The following GDF11 variants were observed in gnomAD, a reference collection of about 807,000 sequenced individuals.
The protein encoded by GDF11 is growth differentiation factor 11.
In GDF11, 12 loss-of-function variants were observed where a neutral mutation model predicts 34.4. That is an observed-to-expected ratio of 0.35 (90% CI 0.22 to 0.57). The LOEUF (loss-of-function observed/expected upper bound fraction) is 0.57. Ranked by LOEUF, GDF11 falls within the 20% of genes least tolerant of loss-of-function variation. GDF11 has a pLI of 0.86. For synonymous variants in GDF11, 212 were observed against 231.1 expected, an observed-to-expected ratio of 0.92 and a Z score of 0.75; for missense variants, 346 against 548.2, an observed-to-expected ratio of 0.63 and a Z score of 3.68.
Position 55,750,675 on chromosome 12 carries a change from C to T in GDF11, c.*793C>T, listed in dbSNP as rs1878291594. On this transcript the variant is annotated 3_prime_UTR_variant, in exon 3 of 3. Coordinates refer to ENST00000257868, the MANE Select transcript of GDF11 (RefSeq NM_005811.5). ...GTTTAGTTTCTAACCCATCATCACC[C>T]TAACTCAACCTTTTCTGAGCCAAAT... 6.6e-6 allele frequency: 1 copy of T among 152,162 alleles called. No individual in the cohort carries two copies. Among genetic ancestry groups the T allele is most frequent in the East Asian group, 1.9e-4 (1 of 5,190 alleles). 9.4% of individuals were successfully genotyped at this position (152,162 alleles called of 1,614,324 possible).
chr12:55,749,000 A>T lies in GDF11; in HGVS notation c.843+17A>T. On this transcript the variant is annotated intron_variant, in intron 2 of 2. Coordinates refer to ENST00000257868, the MANE Select transcript of GDF11 (RefSeq NM_005811.5). The surrounding 1 kb of genome is among the most constrained non-coding windows in gnomAD (Gnocchi z 5.6). ...GAGGGGCTGGTGAGCAGGGGGCCTG[A>T]GGTGGTGGATATGTGTAACCTGGCC... The T allele has an allele frequency of 6.3e-7, 1 of 1,585,004 alleles. No individual in the cohort carries two copies. The highest frequency in any genetic ancestry group is 8.5e-7 in the Non-Finnish European group (1 of 1,172,708).
Position 55,743,469 on chromosome 12 carries a change from A to C in GDF11, c.153A>C (p.Pro51=), listed in dbSNP as rs752717714. The change falls in exon 1 of 3, where the codon CCA becomes CCC. Residue 51 remains proline, a synonymous_variant. Transcript: ENST00000257868. ...TCGGGGGGGAGCGCTCCAGCCGGCCAGCCCCGTCCGTGGCGCCCGAGCCGG... is the reference window on the plus strand; with the variant it reads ...TCGGGGGGGAGCGCTCCAGCCGGCCCGCCCCGTCCGTGGCGCCCGAGCCGG... The part of the protein sequence containing the change: ...AGVGGERSSR[P]APSVAPEPDG... The C allele has an allele frequency of 4.8e-5, 70 of 1,456,990 alleles. No homozygotes were observed. The highest frequency in any genetic ancestry group is 6.1e-5 in the Non-Finnish European group (67 of 1,102,600). The allele number at this position is 1,456,990 out of a possible 1,614,324, so 90.3% of individuals were successfully genotyped here.
Position 55,753,904 on chromosome 12 carries a change from G to C in GDF11, c.*4022G>C, listed in dbSNP as rs1878420829. ...CAAGGCTGCAGTGTGCTATAATTGG[G>C]CCTGTAAATAGCCACTGTACTCCAA... On this transcript the variant is annotated 3_prime_UTR_variant, in exon 3 of 3. Coordinates refer to ENST00000257868, the MANE Select transcript of GDF11 (RefSeq NM_005811.5). The C allele has an allele frequency of 6.6e-6, 1 of 152,060 alleles. No individual in the cohort carries two copies. The highest frequency in any genetic ancestry group is 2.4e-5 in the African/African-American group (1 of 41,378). The allele number at this position is 152,060 out of a possible 1,614,324, so 9.4% of individuals were successfully genotyped here. A position where few individuals can be genotyped will look rare whatever the true frequency, so the allele number is the denominator to read the frequency against.
intron 1 of GDF11, among the ~76,000 whole-genome samples, chr12:55,747,813 G>A (rs763871472): frequency 6.6e-6 from 1 of 152,202 alleles, no homozygotes; most frequent in Non-Finnish European, 1.5e-5. Flanking sequence ...TTAATCTGGT[G>A]TATTTAATAT....
In GDF11 at chr12:55,743,368, C is replaced by G; in HGVS notation, c.52C>G (p.Leu18Val). 1 of 986,634 alleles carries G rather than the reference C, an allele frequency of 1.0e-6. No homozygotes were observed. Among genetic ancestry groups the G allele is most frequent in the East Asian group, 1.1e-4 (1 of 8,858 alleles). The allele number at this position is 986,634 out of a possible 1,614,324, so 61.1% of individuals were successfully genotyped here. A position where few individuals can be genotyped will look rare whatever the true frequency, so the allele number is the denominator to read the frequency against. Reference sequence around the variant, plus strand: ...GGGCTTCCTGCTCCTCGCCCTGGAGCTGCGGCCCCGGGGGGAGGCGGCCGA... The same window carrying G: ...GGGCTTCCTGCTCCTCGCCCTGGAGGTGCGGCCCCGGGGGGAGGCGGCCGA... The part of the protein sequence containing the change: ...LLGFLLLALE[L>V]RPRGEAAEGP... The change falls in exon 1 of 3, where the codon CTG becomes GTG. Residue 18 changes from leucine (L) to valine (V), a missense_variant. Leu to Val is a conservative substitution (Grantham distance 32, BLOSUM62 1). Coordinates refer to ENST00000257868, the MANE Select transcript of GDF11 (RefSeq NM_005811.5).
intron 1 of GDF11, among the ~76,000 whole-genome samples, chr12:55,746,489 CCA>C (rs765573457): frequency 2.0e-5 from 3 of 152,214 alleles, no homozygotes; most frequent in African/African-American, 4.8e-5. Flanking sequence ...CTCACCATCT[CCA>C]GTCTCTCCCC....
chr12:55,750,129 C>A lies in GDF11; in HGVS notation c.*247C>A. 3 of 509,674 alleles carry A rather than the reference C, an allele frequency of 5.9e-6. No homozygotes were observed. Among genetic ancestry groups the A allele is most frequent in the African/African-American group, 3.8e-5 (2 of 52,550 alleles). The allele number at this position is 509,674 out of a possible 1,614,324, so 31.6% of individuals were successfully genotyped here. A position where few individuals can be genotyped will look rare whatever the true frequency, so the allele number is the denominator to read the frequency against. On this transcript the variant is annotated 3_prime_UTR_variant, in exon 3 of 3. Coordinates refer to ENST00000257868, the MANE Select transcript of GDF11 (RefSeq NM_005811.5). The stretch of plus-strand genomic sequence containing the variant: ...GAAGTTTGCAGATGAGAAGGTTTGA[C>A]AAAAAGACAGAGAGATGTAGAGACA...
rs1878387611 is a variant in GDF11 at position 55,753,350 on chromosome 12, A to T, written c.*3468A>T. ...CTTGCCTTGTTACACAAGAGTGGCT[A>T]AAATAGCATCTCAAATATTCTTTCA... On this transcript the variant is annotated 3_prime_UTR_variant, in exon 3 of 3. Transcript: ENST00000257868. The T allele has an allele frequency of 6.6e-6, 1 of 152,244 alleles. No homozygotes were observed. The highest frequency in any genetic ancestry group is 2.1e-4 in the South Asian group (1 of 4,832). The allele number at this position is 152,244 out of a possible 1,614,324, so 9.4% of individuals were successfully genotyped here. A position where few individuals can be genotyped will look rare whatever the true frequency, so the allele number is the denominator to read the frequency against.
At position 55,749,411 on chromosome 12, in the gene GDF11, A is replaced by G; in HGVS notation, c.844-91A>G. The G allele has an allele frequency of 1.5e-6, 2 of 1,378,198 alleles. No homozygotes were observed. Among genetic ancestry groups the G allele is most frequent in the South Asian group, 2.8e-5 (2 of 71,602 alleles). 85.4% of individuals were successfully genotyped at this position (1,378,198 alleles called of 1,614,324 possible). A position where few individuals can be genotyped will look rare whatever the true frequency, so the allele number is the denominator to read the frequency against. Reference sequence around the variant, plus strand: ...AAAAGCTGAGAAGTCAGCAGTCTCTATTCTGATGCCCCTGGCAGGTGGGAA... The same window carrying G: ...AAAAGCTGAGAAGTCAGCAGTCTCTGTTCTGATGCCCCTGGCAGGTGGGAA... On this transcript the variant is annotated intron_variant, in intron 2 of 2. Coordinates refer to ENST00000257868, the MANE Select transcript of GDF11 (RefSeq NM_005811.5). This position sits in a 1 kb window ranked among gnomAD's most constrained non-coding sequence, Gnocchi z 5.6.
chr12:55,744,895 AC>A (rs1209830464), intron 1 of GDF11, among the ~76,000 whole-genome samples: 1 of 151,904 alleles, frequency 6.6e-6, no homozygotes, highest in Non-Finnish European at 1.5e-5. Context: ...CCAGTGGCCC[AC>A]CCCCATGGGA....
In GDF11 at chr12:55,755,036, T is replaced by A. The variant is rs1026337423; in HGVS notation, c.*5154T>A. 2.0e-5 allele frequency: 3 copies of A among 152,132 alleles called. No homozygotes were observed. 9.4% of individuals were successfully genotyped at this position (152,132 alleles called of 1,614,324 possible). A position where few individuals can be genotyped will look rare whatever the true frequency, so the allele number is the denominator to read the frequency against. On this transcript the variant is annotated 3_prime_UTR_variant, in exon 3 of 3. Transcript: ENST00000257868. Reference sequence around the variant, plus strand: ...GTGAAACCTGTAATTTTAAATCCCTTTGGAAGGGAAAAACAAGAAAAGTCT... The same window carrying A: ...GTGAAACCTGTAATTTTAAATCCCTATGGAAGGGAAAAACAAGAAAAGTCT...
chr12:55,744,646 C>G (rs3843621), intron 1 of GDF11, among the ~76,000 whole-genome samples: 27 of 150,476 alleles, frequency 1.8e-4, no homozygotes, highest in Non-Finnish European at 3.6e-4. Context: ...ACTACACCCC[C>G]CCTTTTCCAG....
At chr12:55,744,448 G>C (rs1429081829) in intron 1 of GDF11, among the ~76,000 whole-genome samples, 1 of 152,106 alleles carries the variant, frequency 6.6e-6, no homozygotes, top group Non-Finnish European at 1.5e-5. Flanking sequence ...AAACCTTAGT[G>C]TTCCATCCCT....
At position 55,755,490 on chromosome 12, in the gene GDF11, T is replaced by C. The variant is rs575392902; in HGVS notation, c.*5608T>C. The C allele has an allele frequency of 1.3e-5, 2 of 152,278 alleles. No homozygotes were observed. The highest frequency in any genetic ancestry group is 4.1e-4 in the South Asian group (2 of 4,830). 9.4% of individuals were successfully genotyped at this position (152,278 alleles called of 1,614,324 possible). A position where few individuals can be genotyped will look rare whatever the true frequency, so the allele number is the denominator to read the frequency against. ...CAGAGAATGTCACAGCTTCAGGAAT[T>C]GGAATCAGTTAACCACATCTGGATG... On this transcript the variant is annotated 3_prime_UTR_variant, in exon 3 of 3. Transcript: ENST00000257868.
At chr12:55,744,118 C>T (rs1444038658) in intron 1 of GDF11, among the ~76,000 whole-genome samples, 1 of 152,286 alleles carries the variant, frequency 6.6e-6, no homozygotes, top group East Asian at 1.9e-4. Context: ...AGAACAGAAT[C>T]GGGAGGCTGC....
rs1878289148 is a variant in GDF11, at chr12:55,750,622, G to C, written c.*740G>C. 6.6e-6 allele frequency: 1 copy of C among 152,218 alleles called. No individual in the cohort carries two copies. Among genetic ancestry groups the C allele is most frequent in the Admixed American group, 6.5e-5 (1 of 15,276 alleles). The allele number at this position is 152,218 out of a possible 1,614,324, so 9.4% of individuals were successfully genotyped here. A position where few individuals can be genotyped will look rare whatever the true frequency, so the allele number is the denominator to read the frequency against. ...AAAGCCTCCAGGGTTGGGAATGGGA[G>C]TAAAGGGCAAGAGGGCGGACACATG... is the stretch of plus-strand genomic sequence containing the variant. On this transcript the variant is annotated 3_prime_UTR_variant, in exon 3 of 3. Transcript: ENST00000257868.
rs1026356297 is a variant in GDF11, at chr12:55,753,795, A to T, written c.*3913A>T. ...CAAAAAAAAAAAAAAAAAAAAAAAA[A>T]GGAAAGCAGGACCCAGTGGTGTGCT... On this transcript the variant is annotated 3_prime_UTR_variant, in exon 3 of 3. Coordinates refer to ENST00000257868, the MANE Select transcript of GDF11 (RefSeq NM_005811.5). 6.7e-6 allele frequency: 1 copy of T among 149,286 alleles called. No individual in the cohort carries two copies. Among genetic ancestry groups the T allele is most frequent in the Non-Finnish European group, 1.5e-5 (1 of 67,494 alleles). The allele number at this position is 149,286 out of a possible 1,614,324, so 9.2% of individuals were successfully genotyped here.
chr12:55,748,925 T>G lies in GDF11; in HGVS notation c.785T>G (p.Phe262Cys). 6.2e-7 allele frequency: 1 copy of G among 1,604,254 alleles called. No homozygotes were observed. The highest frequency in any genetic ancestry group is 8.5e-7 in the Non-Finnish European group (1 of 1,179,888). The change falls in exon 2 of 3, where the codon TTT (phenylalanine) becomes TGT (cysteine). Residue 262 changes from phenylalanine to cysteine, a missense_variant. By Grantham distance (205) the Phe-to-Cys change is radical (BLOSUM62 -2). Coordinates refer to ENST00000257868, the MANE Select transcript of GDF11 (RefSeq NM_005811.5). The surrounding 1 kb of genome is among the most constrained non-coding windows in gnomAD (Gnocchi z 5.6). ...QSNWGIEINAFDPSGTDLAVT... is the reference protein window; with the variant it reads ...QSNWGIEINACDPSGTDLAVT... ...AACTGGGGCATCGAGATCAACGCCT[T>G]TGATCCCAGTGGCACAGACCTGGCT...
intron 1 of GDF11, among the ~76,000 whole-genome samples, chr12:55,745,960 A>G (rs889117288): frequency 1.4e-5 from 2 of 139,242 alleles, no homozygotes; most frequent in Non-Finnish European, 3.1e-5. Flanking sequence ...CCTTCCAGCC[A>G]TGGTTGGGAG....
Sources: allele counts gnomAD v4.1 joint callset (sites outside exome capture counted in the v4.1 genomes callset), GRCh38; gene constraint gnomAD v4.1.1; non-coding constraint Gnocchi (gnomAD v3.1); transcripts MANE v1.5; gene names NCBI Gene and HGNC (gene_info 2026-07-23, HGNC 2026-07-21).